COL4A2: variants seen among roughly 807,000 people sequenced by gnomAD.
COL4A2 encodes collagen alpha-2(IV) chain.
A neutral mutation model predicts 200.2 loss-of-function variants in COL4A2; 99 were observed. The observed-to-expected ratio is 0.49, with a 90% confidence interval of 0.42 to 0.58. The LOEUF is 0.58. COL4A2 is among the 20% of genes least tolerant of loss of function. The probability of loss-of-function intolerance (pLI) is 0.00; values close to 1 mark genes in which losing one functional copy is unlikely to be tolerated. For missense variants in COL4A2, 1,950 were observed against 2,314.1 expected (o/e 0.84, Z 3.23); for synonymous variants, 897 against 900.6 (o/e 1.00, Z 0.07).
At chr13:110,462,461 C>A in intron 24 of COL4A2, 77 bp downstream of exon 24, 1 of 1,465,874 alleles carries the variant, frequency 6.8e-7, no homozygotes, top group Non-Finnish European at 9.4e-7. Context: ...CAGAAGCAAA[C>A]AGTATTGACA....
chr13:110,449,445 G>A (rs1022435781), intron 18 of COL4A2, among the ~76,000 whole-genome samples: 4 of 152,212 alleles, frequency 2.6e-5, no homozygotes, highest in African/African-American at 4.8e-5. Flanking sequence ...TTCTTTATTC[G>A]AGCTTTGGAC....
chr13:110,431,029 A>T (rs1880660843), intron 10 of COL4A2: 1 of 389,746 alleles, frequency 2.6e-6, no homozygotes, highest in African/African-American at 2.1e-5. Context: ...AGCAGGTGAG[A>T]TACTGGCCAC....
At chr13:110,442,974 TC>T (rs745692450) in intron 16 of COL4A2, among the ~76,000 whole-genome samples, 20 of 150,692 alleles carry the variant, frequency 1.3e-4, no homozygotes, top group Non-Finnish European at 2.5e-4. Context: ...ACCATTGTCC[TC>T]TATGAGGACT....
At chr13:110,467,160 C>G (rs1195851553) in intron 27 of COL4A2, 64 bp downstream of exon 27, 4 of 1,595,208 alleles carry the variant, frequency 2.5e-6, no homozygotes, top group East Asian at 4.5e-5. Context: ...ACTGCTGTGT[C>G]TCCCCCGCCC....
chr13:110,446,822 C>G lies in COL4A2; in HGVS notation c.1036C>G (p.Pro346Ala). ...GGGAGAAGCCGGAGACCCAGGGCCC[C>G]CTGGACTACCTGCCTACTCCCCTCA... ...PKGEAGDPGP[P>A]GLPAYSPHPS... Residue 346 changes from proline (P) to alanine (A), a missense_variant, in exon 18 of 48, where the codon CCT (proline) becomes GCT (alanine). By Grantham distance (27) the Pro-to-Ala change is conservative. Transcript: ENST00000360467. The G allele has an allele frequency of 2.5e-6, 4 of 1,612,904 alleles. No individual in the cohort carries two copies. The highest frequency in any genetic ancestry group is 3.4e-6 in the Non-Finnish European group (4 of 1,179,018).
intron 3 of COL4A2, among the ~76,000 whole-genome samples, chr13:110,340,547 G>A (rs986122763): frequency 1.3e-5 from 2 of 152,194 alleles, no homozygotes; most frequent in Non-Finnish European, 2.9e-5. Flanking sequence ...AAATGTTTAA[G>A]GTTCATCCCC....
intron 3 of COL4A2, among the ~76,000 whole-genome samples, chr13:110,337,211 G>T (rs1451617916): frequency 1.3e-5 from 2 of 152,254 alleles, no homozygotes; most frequent in Non-Finnish European, 2.9e-5. Context: ...CTGGAATGGG[G>T]CATGGGCGCC....
At chr13:110,449,558 C>T (rs1881454183) in intron 18 of COL4A2, 121 bp from the exon 19 acceptor site, 2 of 901,756 alleles carry the variant, frequency 2.2e-6, no homozygotes, top group African/African-American at 3.3e-5. Flanking sequence ...CTTAACTCCT[C>T]ATCAGGCCGC....
intron 45 of COL4A2, among the ~76,000 whole-genome samples, chr13:110,506,106 TC>T (rs1470736022): frequency 2.6e-5 from 4 of 152,168 alleles, no homozygotes; most frequent in Non-Finnish European, 5.9e-5. Flanking sequence ...TCCCGAGGTT[TC>T]TGTGGGGCGG....
In COL4A2 at chr13:110,478,166, T is replaced by C; in HGVS notation, c.2587+2T>C. On this transcript the variant is annotated splice_donor_variant, in intron 30 of 47. Transcript: ENST00000360467. LOFTEE classifies it high-confidence loss of function. ...TGCCAGGAATCCCAGGCCGTGAAGG[T>C]AAGACCCCAGCCCTCCCATAAACGA... 1 of 1,585,058 alleles carries C rather than the reference T, an allele frequency of 6.3e-7. No individual in the cohort carries two copies. Among genetic ancestry groups the C allele is most frequent in the Non-Finnish European group, 8.6e-7 (1 of 1,164,980 alleles).
intron 13 of COL4A2, among the ~76,000 whole-genome samples, chr13:110,437,327 G>A (rs756794856): frequency 6.6e-6 from 1 of 152,190 alleles, no homozygotes; most frequent in Non-Finnish European, 1.5e-5. Context: ...TCCACGTGGA[G>A]GTGCTCAATC....
At chr13:110,444,123 T>C (rs1408095131) in intron 16 of COL4A2, among the ~76,000 whole-genome samples, 2 of 152,210 alleles carry the variant, frequency 1.3e-5, no homozygotes, top group Non-Finnish European at 2.9e-5. Flanking sequence ...TGAGTGCTTC[T>C]TAAGTTGTCC....
rs1405864653 is a variant in COL4A2, at chr13:110,478,248, C to CA, written c.2587+87dup. 68 of 1,366,746 alleles carry CA rather than the reference C, an allele frequency of 5.0e-5. No individual in the cohort carries two copies. The African/African-American group carries it at 9.0e-4, about 18-fold the overall frequency. The allele number at this position is 1,366,746 out of a possible 1,614,324, so 84.7% of individuals were successfully genotyped here. On this transcript the variant is annotated intron_variant, in intron 30 of 47. Transcript: ENST00000360467. ...GAGCACTGTCTTCTTGTGGAGCTCT[C>CA]AAAGTCTGTTCCATGGAACCCCTTA...
intron 3 of COL4A2, among the ~76,000 whole-genome samples, chr13:110,310,441 T>C (rs1422584437): frequency 6.7e-6 from 1 of 148,882 alleles, no homozygotes; most frequent in African/African-American, 2.5e-5. Context: ...CACTTTATTT[T>C]CCTGGGCTTT....
chr13:110,398,102 C>CT (rs5806853), intron 4 of COL4A2, among the ~76,000 whole-genome samples: 130,356 of 147,756 alleles, frequency 0.88, 57,776 homozygotes, highest in African/African-American at 0.92. Context: ...CAGATTTTTT[C>CT]TTTTTTTTTT....
chr13:110,406,379 C>T (rs1417222860), intron 4 of COL4A2, among the ~76,000 whole-genome samples: 1 of 152,140 alleles, frequency 6.6e-6, no homozygotes, highest in Non-Finnish European at 1.5e-5. Flanking sequence ...CATCAGGGTT[C>T]ACAGGCTGTC....
At chr13:110,465,339 CAG>C in intron 24 of COL4A2, 64 bp from the exon 25 acceptor site, 1 of 1,513,340 alleles carries the variant, frequency 6.6e-7, no homozygotes, top group Non-Finnish European at 8.9e-7. Context: ...GGAAAGGAAA[CAG>C]GGAAGTCGAG....
chr13:110,420,769 C>G (rs1880218139), intron 4 of COL4A2, among the ~76,000 whole-genome samples: 1 of 152,226 alleles, frequency 6.6e-6, no homozygotes, highest in Non-Finnish European at 1.5e-5. Flanking sequence ...AGATGCACCA[C>G]ACTTCCTTAG....
At chr13:110,326,386 C>T (rs890855160) in intron 3 of COL4A2, among the ~76,000 whole-genome samples, 1 of 152,160 alleles carries the variant, frequency 6.6e-6, no homozygotes, top group African/African-American at 2.4e-5. Context: ...TATCCTCGTG[C>T]ACCTAAACCT....
Sources: allele counts gnomAD v4.1 joint callset (sites outside exome capture counted in the v4.1 genomes callset), GRCh38; gene constraint gnomAD v4.1.1; transcripts MANE v1.5; gene names NCBI Gene and HGNC (gene_info 2026-07-23, HGNC 2026-07-21).